Variants in VDAC1 observed in about 807,000 individuals in gnomAD.
VDAC1 encodes the protein voltage dependent anion channel 1.
Under a neutral mutation model 34.7 loss-of-function variants are expected in VDAC1, and 10 were observed. That is an observed-to-expected ratio of 0.29 (90% CI 0.18 to 0.49). The LOEUF (loss-of-function observed/expected upper bound fraction) is 0.49. Among genes scored for constraint, VDAC1 ranks in the 20% least tolerant of loss-of-function variants. The pLI is 0.99. For synonymous variants in VDAC1, 130 were observed against 136.0 expected (o/e 0.96, Z 0.30); for missense variants, 230 against 347.9 (o/e 0.66, Z 2.69).
At chr5:134,053,782 C>A in the VDAC1 span, among the ~76,000 whole-genome samples, 1 of 152,216 alleles carries the variant, frequency 6.6e-6, no homozygotes, top group Non-Finnish European at 1.5e-5. Flanking sequence ...AGGGAAGATG[C>A]CTTTTTCCCT....
At chr5:134,073,981 AT>A in the VDAC1 span, among the ~76,000 whole-genome samples, 9 of 152,216 alleles carry the variant, frequency 5.9e-5, no homozygotes, top group Non-Finnish European at 1.0e-4. Flanking sequence ...TTTTCCCATT[AT>A]TTGTATTATA....
At chr5:134,102,228 A>C in the VDAC1 span, among the ~76,000 whole-genome samples, 1 of 151,966 alleles carries the variant, frequency 6.6e-6, no homozygotes, top group African/African-American at 2.4e-5. Context: ...CTGGGCTGAG[A>C]GGGGAGGAGG....
chr5:134,087,751 G>A, the VDAC1 span, among the ~76,000 whole-genome samples: 1 of 151,792 alleles, frequency 6.6e-6, no homozygotes, highest in Non-Finnish European at 1.5e-5. Context: ...AGCTACTCAG[G>A]AGGCTGAGGC....
the VDAC1 span, among the ~76,000 whole-genome samples, chr5:134,044,822 T>G: frequency 6.6e-6 from 1 of 152,214 alleles, no homozygotes; most frequent in African/African-American, 2.4e-5. Flanking sequence ...TGTGAGGTAC[T>G]GCGCCAGAGC....
upstream of VDAC1, among the ~76,000 whole-genome samples, chr5:134,005,725 C>T (rs554577931): frequency 7.8e-4 from 119 of 152,344 alleles, no homozygotes; most frequent in African/African-American, 2.8e-3. Context: ...GCTGCTAGGC[C>T]TAAGCGAGTG....
At chr5:134,028,299 AT>A in the VDAC1 span, among the ~76,000 whole-genome samples, 4 of 149,624 alleles carry the variant, frequency 2.7e-5, no homozygotes, top group African/African-American at 9.9e-5. Context: ...TGCCTGGCTA[AT>A]TTTTGTCTTT....
the VDAC1 span, among the ~76,000 whole-genome samples, chr5:134,061,421 G>A: frequency 6.6e-6 from 1 of 151,566 alleles, no homozygotes; most frequent in Non-Finnish European, 1.5e-5. Flanking sequence ...GCCCAGGCTG[G>A]AATGCAATGG....
the VDAC1 span, among the ~76,000 whole-genome samples, chr5:134,109,417 G>A: frequency 2.6e-5 from 4 of 152,166 alleles, no homozygotes; most frequent in South Asian, 2.1e-4. Context: ...CATTTGTGAC[G>A]CCGCTTGTCT....
the VDAC1 span, among the ~76,000 whole-genome samples, chr5:134,101,920 T>C: frequency 6.6e-6 from 1 of 152,168 alleles, no homozygotes; most frequent in Non-Finnish European, 1.5e-5. Context: ...GAGACACCCT[T>C]CTAGGAGTCA....
chr5:134,048,010 C>T, the VDAC1 span, among the ~76,000 whole-genome samples: 1 of 151,556 alleles, frequency 6.6e-6, no homozygotes, highest in African/African-American at 2.4e-5. Context: ...CAGAGTGAAC[C>T]TTGTCTGGGA....
Position 133,992,291 on chromosome 5 carries a change from G to T in VDAC1, c.117+15C>A, listed in dbSNP as rs748559744. 6.4e-7 allele frequency: 1 copy of T among 1,555,732 alleles called. No homozygotes were observed. ...TAAATAAATACTCATGTTCCATGTG[G>T]GTTGGACAACTTACCAATCCATTCT... On this transcript the variant is annotated intron_variant, in intron 3 of 8. Coordinates refer to ENST00000265333, the MANE Select transcript of VDAC1 (RefSeq NM_003374.3).
chr5:133,999,925 G>A (rs1753476919), intron 1 of VDAC1, among the ~76,000 whole-genome samples: 1 of 152,082 alleles, frequency 6.6e-6, no homozygotes, highest in East Asian at 1.9e-4. Context: ...CACCATTCTA[G>A]GTGGTTTGTC....
the VDAC1 span, among the ~76,000 whole-genome samples, chr5:134,111,606 G>T: frequency 0.013 from 1,985 of 152,178 alleles, 49 homozygotes; most frequent in African/African-American, 0.045. Context: ...GCCAGCAAAG[G>T]TCTTGGGCCC....
the VDAC1 span, among the ~76,000 whole-genome samples, chr5:134,044,610 T>C: frequency 8.3e-6 from 1 of 119,924 alleles, no homozygotes; most frequent in Non-Finnish European, 1.9e-5. Context: ...GGTGCACGTG[T>C]GTGTGCACAT....
the VDAC1 span, among the ~76,000 whole-genome samples, chr5:134,055,001 A>G: frequency 7.2e-5 from 11 of 152,324 alleles, no homozygotes; most frequent in African/African-American, 2.6e-4. Context: ...TTGTTCAGTC[A>G]TATGTCGATC....
the VDAC1 span, among the ~76,000 whole-genome samples, chr5:134,048,125 G>A: frequency 3.9e-5 from 6 of 151,926 alleles, no homozygotes; most frequent in Admixed American, 6.6e-5. Flanking sequence ...CCACCACCAT[G>A]CCCTGCTAAC....
At chr5:134,056,680 G>A in the VDAC1 span, among the ~76,000 whole-genome samples, 51 of 152,114 alleles carry the variant, frequency 3.4e-4, no homozygotes, top group Middle Eastern at 3.4e-3. Context: ...GTATTATTGT[G>A]TAAGTTTTTC....
the VDAC1 span, among the ~76,000 whole-genome samples, chr5:134,030,386 T>C: frequency 3.3e-5 from 5 of 152,046 alleles, no homozygotes; most frequent in Admixed American, 2.0e-4. Context: ...AAGCATTACA[T>C]AGCACATATG....
intron 5 of VDAC1, among the ~76,000 whole-genome samples, chr5:133,986,678 G>A (rs575342963): frequency 2.2e-4 from 33 of 152,260 alleles, no homozygotes; most frequent in Middle Eastern, 3.4e-3. Flanking sequence ...GAGCCCCCGC[G>A]CCAGGCCTAC....
Sources: gnomAD v4.1 joint callset for allele counts (sites outside exome capture counted in the v4.1 genomes callset) on GRCh38, gnomAD v4.1.1 for gene constraint, MANE v1.5 for transcripts, NCBI Gene and HGNC (gene_info 2026-07-23, HGNC 2026-07-21) for gene names.